Variants in KDM4C observed in about 807,000 individuals in gnomAD.
The protein encoded by KDM4C is lysine demethylase 4C.
Under a neutral mutation model 129.3 loss-of-function variants are expected in KDM4C, and 81 were observed. That is an observed-to-expected ratio of 0.63 (90% confidence interval 0.52 to 0.75). The LOEUF is 0.75. Ranked by LOEUF, KDM4C falls within the 30% of genes least tolerant of loss-of-function variation. KDM4C has a pLI of 0.00. For synonymous variants in KDM4C, 573 were observed against 456.1 expected, an observed-to-expected ratio of 1.26 and a Z score of -3.26; for missense variants, 1,457 against 1,304.0, an observed-to-expected ratio of 1.12 and a Z score of -1.81.
At chr9:6,925,982 C>T (rs1030441145) in intron 8 of KDM4C, among the ~76,000 whole-genome samples, 4 of 152,024 alleles carry the variant, frequency 2.6e-5, no homozygotes, top group African/African-American at 9.7e-5. Flanking sequence ...CGTAAAGTAC[C>T]CTGGATTCCT....
intron 4 of KDM4C, among the ~76,000 whole-genome samples, chr9:6,821,327 G>A (rs978782350): frequency 7.2e-5 from 11 of 152,214 alleles, no homozygotes; most frequent in South Asian, 4.1e-4. Context: ...ACTAATTTAC[G>A]CTCCCACCAA....
intron 17 of KDM4C, among the ~76,000 whole-genome samples, chr9:7,072,253 A>G (rs1264621497): frequency 1.3e-5 from 2 of 152,198 alleles, no homozygotes; most frequent in Non-Finnish European, 2.9e-5. Flanking sequence ...GCAGTTTCTT[A>G]TAAAATTAAA....
intron 6 of KDM4C, among the ~76,000 whole-genome samples, chr9:6,886,926 C>G (rs10122648): frequency 0.16 from 23,806 of 152,108 alleles, 2,598 homozygotes; most frequent in East Asian, 0.34. Flanking sequence ...CCAAATTGGT[C>G]ACGTTCTTGA....
At chr9:7,005,960 T>C (rs568572127) in intron 12 of KDM4C, among the ~76,000 whole-genome samples, 2 of 152,372 alleles carry the variant, frequency 1.3e-5, no homozygotes, top group East Asian at 3.8e-4. Flanking sequence ...CTTGGACTAA[T>C]GTTTTCAAAT....
chr9:7,020,820 G>C (rs898599210), intron 15 of KDM4C, among the ~76,000 whole-genome samples: 1 of 151,720 alleles, frequency 6.6e-6, no homozygotes. Context: ...AAACAATCCA[G>C]TTATACTCAT....
rs202161199 is a variant in KDM4C at position 6,801,285 on chromosome 9, G to A, written c.145-4314G>A. Among the ~76,000 whole-genome samples the A allele has an allele frequency of 3.4e-4, 38 of 110,988 alleles. No homozygotes were observed. In the East Asian group the frequency reaches 9.5e-3, roughly 28 times the overall value. 72.8% of individuals were successfully genotyped at this position (110,988 alleles called of 152,430 possible). A position where few individuals can be genotyped will look rare whatever the true frequency, so the allele number is the denominator to read the frequency against. On this transcript the variant is annotated intron_variant, in intron 2 of 21. Coordinates refer to ENST00000381309, the MANE Select transcript of KDM4C (RefSeq NM_015061.6). Reference sequence around the variant, plus strand: ...TTTTTTTTTTTTGAGATGGAGTCTCGCTCTGTCCCCAGGCTGGAGTGCAGT... The same window carrying A: ...TTTTTTTTTTTTGAGATGGAGTCTCACTCTGTCCCCAGGCTGGAGTGCAGT...
chr9:6,888,540 C>T (rs531709547), intron 7 of KDM4C, among the ~76,000 whole-genome samples: 20 of 152,238 alleles, frequency 1.3e-4, no homozygotes, highest in East Asian at 5.8e-4. Context: ...TCTGATATTG[C>T]TTCTGCGAGT....
intron 18 of KDM4C, among the ~76,000 whole-genome samples, chr9:7,112,482 T>C (rs1431803695): frequency 2.6e-5 from 4 of 152,122 alleles, no homozygotes; most frequent in Admixed American, 1.3e-4. Flanking sequence ...GAGGACACTT[T>C]GGAGGTGGAA....
chr9:7,152,167 T>G (rs1842787908), intron 19 of KDM4C, among the ~76,000 whole-genome samples: 1 of 152,226 alleles, frequency 6.6e-6, no homozygotes, highest in Admixed American at 6.5e-5. Context: ...TTATATGCCT[T>G]TTTACCAAGT....
At chr9:6,811,297 G>T (rs946122182) in intron 3 of KDM4C, among the ~76,000 whole-genome samples, 1 of 152,164 alleles carries the variant, frequency 6.6e-6, no homozygotes, top group Non-Finnish European at 1.5e-5. Flanking sequence ...GGGACCACAG[G>T]TGCGTGCCAC....
chr9:6,882,119 A>G (rs1194958691), intron 6 of KDM4C, among the ~76,000 whole-genome samples: 1 of 152,176 alleles, frequency 6.6e-6, no homozygotes, highest in African/African-American at 2.4e-5. Context: ...CAGGAGTTTG[A>G]TTTCGCCCTT....
At chr9:6,842,579 G>A (rs546173551) in intron 4 of KDM4C, among the ~76,000 whole-genome samples, 68 of 151,986 alleles carry the variant, frequency 4.5e-4, no homozygotes, top group Middle Eastern at 3.4e-3. Context: ...CAGGTGATCC[G>A]TCTGCCTTGG....
At chr9:6,853,372 G>A (rs918349205) in intron 5 of KDM4C, among the ~76,000 whole-genome samples, 2 of 152,028 alleles carry the variant, frequency 1.3e-5, no homozygotes, top group Non-Finnish European at 1.5e-5. Context: ...CACGCCTGTA[G>A]CCCCAGCTGA....
chr9:6,890,554 G>A (rs1845974535), intron 7 of KDM4C, among the ~76,000 whole-genome samples: 1 of 151,952 alleles, frequency 6.6e-6, no homozygotes, highest in African/African-American at 2.4e-5. Flanking sequence ...TTTATGGTAT[G>A]AGATTGGGAC....
intron 8 of KDM4C, among the ~76,000 whole-genome samples, chr9:6,908,290 C>T (rs989625661): frequency 1.3e-5 from 2 of 152,180 alleles, no homozygotes; most frequent in African/African-American, 2.4e-5. Flanking sequence ...TTATAATTTT[C>T]TTCCAAATCT....
At chr9:7,116,382 T>A (rs936883645) in intron 18 of KDM4C, among the ~76,000 whole-genome samples, 10 of 139,476 alleles carry the variant, frequency 7.2e-5, no homozygotes, top group Non-Finnish European at 1.3e-4. Context: ...CAGAGCAGTG[T>A]CCTTACTGTA....
intron 1 of KDM4C, among the ~76,000 whole-genome samples, chr9:6,760,465 A>ATATATATATATATATATG (rs1588094501): frequency 6.7e-6 from 1 of 149,834 alleles, no homozygotes; most frequent in Non-Finnish European, 1.5e-5. Context: ...ATATATATAT[A>ATATATATATATATATATG]ATGTAATTGC....
At chr9:6,971,593 A>C (rs1028977729) in intron 8 of KDM4C, among the ~76,000 whole-genome samples, 12 of 152,210 alleles carry the variant, frequency 7.9e-5, no homozygotes, top group African/African-American at 2.9e-4. Context: ...TATTTGAATT[A>C]ACCAATTTCT....
At chr9:7,099,776 C>G (rs1432546375) in intron 17 of KDM4C, among the ~76,000 whole-genome samples, 2 of 152,250 alleles carry the variant, frequency 1.3e-5, no homozygotes, top group Admixed American at 6.5e-5. Context: ...ACTGTCCTGT[C>G]AGAGATACCC....
Sources: gnomAD v4.1 joint callset for allele counts (sites outside exome capture counted in the v4.1 genomes callset) on GRCh38, gnomAD v4.1.1 for gene constraint, MANE v1.5 for transcripts, NCBI Gene and HGNC (gene_info 2026-07-23, HGNC 2026-07-21) for gene names.